The following ZNF527 variants were observed in gnomAD, a reference collection of about 807,000 sequenced individuals.
ZNF527 encodes zinc finger protein 527.
Under a neutral mutation model 13.5 loss-of-function variants are expected in ZNF527, and 5 were observed. The observed-to-expected ratio is 0.37, with a 90% CI of 0.19 to 0.78. The LOEUF (loss-of-function observed/expected upper bound fraction) is 0.78. ZNF527 is among the 30% of genes least tolerant of loss of function. The pLI, the probability that ZNF527 is intolerant of heterozygous loss-of-function variation, is 0.48. For synonymous variants in ZNF527, 209 were observed against 243.1 expected (o/e 0.86, Z 1.30); for missense variants, 628 against 726.4 (o/e 0.86, Z 1.56).
intron 2 of ZNF527, among the ~76,000 whole-genome samples, chr19:37,378,212 G>A (rs1232506605): frequency 6.6e-6 from 1 of 151,954 alleles, no homozygotes; most frequent in Non-Finnish European, 1.5e-5. Flanking sequence ...ATTTTTAGTA[G>A]AGACGGAGTG....
chr19:37,386,026 T>G (rs2040694946), intron 4 of ZNF527, among the ~76,000 whole-genome samples: 1 of 152,074 alleles, frequency 6.6e-6, no homozygotes, highest in Admixed American at 6.6e-5. Context: ...CTCCCTTTAA[T>G]GGACTCTTTC....
chr19:37,372,999 G>A (rs984926406), intron 1 of ZNF527, among the ~76,000 whole-genome samples: 11 of 152,096 alleles, frequency 7.2e-5, no homozygotes, highest in African/African-American at 2.2e-4. Context: ...TTCAGACATC[G>A]TGGCCTCTCA....
chr19:37,387,164 G>A (rs548682665), intron 4 of ZNF527, among the ~76,000 whole-genome samples: 3 of 152,214 alleles, frequency 2.0e-5, no homozygotes, highest in African/African-American at 7.2e-5. Context: ...GGCAAAGACT[G>A]TATCTATTTA....
intron 4 of ZNF527, chr19:37,385,245 T>C (rs549376119): frequency 9.3e-5 from 42 of 451,478 alleles, no homozygotes; most frequent in African/African-American, 8.3e-4. Flanking sequence ...CTTTTGACTT[T>C]GTGTTTTCTC....
Position 37,391,584 on chromosome 19 carries a change from AAAAAAAAT to A in ZNF527, c.*1709_*1716del. 8.4e-6 allele frequency: 1 copy of A among 119,618 alleles called. No homozygotes were observed. Among genetic ancestry groups the A allele is most frequent in the South Asian group, 2.9e-4 (1 of 3,484 alleles). The allele number at this position is 119,618 out of a possible 1,614,324, so 7.4% of individuals were successfully genotyped here. ...AACTCCTTCTCAAAAAAAAAAAAAA[AAAAAAAAT>A]AAATAAATAAATAAATAAATAAATT... On this transcript the variant is annotated 3_prime_UTR_variant, in exon 5 of 5. Transcript: ENST00000436120.
At chr19:37,380,106 C>A in intron 3 of ZNF527, 171 bp from the exon 4 acceptor site, 1 of 1,274,232 alleles carries the variant, frequency 7.8e-7, no homozygotes, top group Non-Finnish European at 1.0e-6. Flanking sequence ...AAGCTTCATC[C>A]TCCTCCTCAT....
rs755586158 is a variant in ZNF527 at position 37,379,115 on chromosome 19, T to G, written c.34-5T>G. 6.2e-6 allele frequency: 10 copies of G among 1,613,988 alleles called. No homozygotes were observed. Among genetic ancestry groups the G allele is most frequent in the African/African-American group, 1.3e-5 (1 of 74,914 alleles). ...ACCTGGTGAACAAGAATTTTTTTATTTCAGGGGTTGGTGACCTTCAGAGAT... is the reference window on the plus strand; with the variant it reads ...ACCTGGTGAACAAGAATTTTTTTATGTCAGGGGTTGGTGACCTTCAGAGAT... On this transcript the variant is annotated splice_polypyrimidine_tract_variant and splice_region_variant and intron_variant, in intron 2 of 4. Coordinates refer to ENST00000436120, the MANE Select transcript of ZNF527 (RefSeq NM_032453.2).
intron 2 of ZNF527, among the ~76,000 whole-genome samples, chr19:37,377,119 C>CTTAT (rs1375846512): frequency 6.6e-6 from 1 of 152,000 alleles, no homozygotes; most frequent in South Asian, 2.1e-4. Context: ...TGGAAGGGAA[C>CTTAT]TTATTTATTT....
chr19:37,374,285 T>A, intron 2 of ZNF527, 54 bp downstream of exon 2: 1 of 1,586,060 alleles, frequency 6.3e-7, no homozygotes, highest in Non-Finnish European at 8.7e-7. Flanking sequence ...TTTTCAGGAC[T>A]TTGGGACCAC....
chr19:37,371,874 T>G (rs2040559611), intron 1 of ZNF527, among the ~76,000 whole-genome samples: 1 of 152,098 alleles, frequency 6.6e-6, no homozygotes, highest in Admixed American at 6.5e-5. Flanking sequence ...AATTTGTGTG[T>G]ATATATGAGA....
Position 37,389,968 on chromosome 19 carries a change from A to G in ZNF527, c.*89A>G. On this transcript the variant is annotated 3_prime_UTR_variant, in exon 5 of 5. Transcript: ENST00000436120. ...TTCTTTTTGGTTAGTAATTCTTTGA[A>G]TGTAGTTCATATTTCAGTTCATGAG... 6.9e-7 allele frequency: 1 copy of G among 1,449,948 alleles called. No individual in the cohort carries two copies. The highest frequency in any genetic ancestry group is 9.2e-7 in the Non-Finnish European group (1 of 1,090,916). 89.8% of individuals were successfully genotyped at this position (1,449,948 alleles called of 1,614,324 possible). A position where few individuals can be genotyped will look rare whatever the true frequency, so the allele number is the denominator to read the frequency against.
chr19:37,382,205 T>G (rs1392138155), intron 4 of ZNF527, among the ~76,000 whole-genome samples: 1 of 152,114 alleles, frequency 6.6e-6, no homozygotes, highest in Non-Finnish European at 1.5e-5. Context: ...GAAACCAAGC[T>G]AGGTATGCTC....
chr19:37,378,075 G>A (rs957990877), intron 2 of ZNF527, among the ~76,000 whole-genome samples: 3 of 151,258 alleles, frequency 2.0e-5, no homozygotes, highest in Admixed American at 1.3e-4. Flanking sequence ...TGTCACCCAG[G>A]CTGGAAGTAC....
In ZNF527 at chr19:37,391,569, C is replaced by CAAA. The variant is rs74923218; in HGVS notation, c.*1710_*1712dup. ...GGGCAACAAGAGCGAAACTCCTTCT[C>CAAA]AAAAAAAAAAAAAAAAAAAAAATAA... On this transcript the variant is annotated 3_prime_UTR_variant, in exon 5 of 5. Transcript: ENST00000436120. 6.9e-6 allele frequency: 1 copy of CAAA among 145,450 alleles called. No homozygotes were observed. The highest frequency in any genetic ancestry group is 1.5e-5 in the Non-Finnish European group (1 of 66,612). 9.0% of individuals were successfully genotyped at this position (145,450 alleles called of 1,614,324 possible). A position where few individuals can be genotyped will look rare whatever the true frequency, so the allele number is the denominator to read the frequency against.
rs1022024971 is a variant in ZNF527 at position 37,372,467 on chromosome 19, C to CTTTTTTTTTTTTTTTTTTTTTTTTTTT, written c.-42+1264_-42+1265insTTTTTTTTTTTTTTTTTTTTTTTTTTT. On this transcript the variant is annotated intron_variant, in intron 1 of 4. Transcript: ENST00000436120. ...CCTTTCTTTTCTTTTCTTTTCTTTT[C>CTTTTTTTTTTTTTTTTTTTTTTTTTTT]TTTTTTTTTTTTTTTTTTTTTTTGA... Among the ~76,000 whole-genome samples, 4 of 65,646 alleles carry CTTTTTTTTTTTTTTTTTTTTTTTTTTT rather than the reference C, an allele frequency of 6.1e-5. 1 individual carries two copies. Among genetic ancestry groups the CTTTTTTTTTTTTTTTTTTTTTTTTTTT allele is most frequent in the Non-Finnish European group, 7.8e-5 (3 of 38,288 alleles). The allele number at this position is 65,646 out of a possible 152,430, so 43.1% of individuals were successfully genotyped here. A position where few individuals can be genotyped will look rare whatever the true frequency, so the allele number is the denominator to read the frequency against.
At chr19:37,383,433 G>A (rs113145529) in intron 4 of ZNF527, among the ~76,000 whole-genome samples, 2 of 151,152 alleles carry the variant, frequency 1.3e-5, no homozygotes, top group Admixed American at 6.6e-5. Context: ...ACAGGGTTTC[G>A]CCATGTTGGC....
intron 3 of ZNF527, 184 bp downstream of exon 3, chr19:37,379,430 G>T: frequency 2.0e-6 from 1 of 488,712 alleles, no homozygotes; most frequent in Non-Finnish European, 3.3e-6. Flanking sequence ...ATTTACTTTT[G>T]GCAGACATTC....
chr19:37,375,540 T>G (rs1047063426), intron 2 of ZNF527, among the ~76,000 whole-genome samples: 2 of 151,568 alleles, frequency 1.3e-5, no homozygotes, highest in African/African-American at 4.9e-5. Flanking sequence ...TTTTGTATTT[T>G]TAGTAGAGAT....
chr19:37,389,032 A>G lies in ZNF527; in HGVS notation c.983A>G (p.Lys328Arg). The G allele has an allele frequency of 6.2e-7, 1 of 1,614,216 alleles. No homozygotes were observed. The highest frequency in any genetic ancestry group is 8.5e-7 in the Non-Finnish European group (1 of 1,180,034). ...CATCAAAGAACTCATATTGGGGAGA[A>G]ACCTTATGAATGTAAGGAATGTAAC... ...SEHQRTHIGE[K>R]PYECKECNKA... The change falls in exon 5 of 5, where the codon AAA (lysine) becomes AGA (arginine). Residue 328 changes from lysine to arginine, a missense_variant. Lys to Arg is a conservative substitution (Grantham distance 26, BLOSUM62 2). Around this residue, in one of 3 missense-constraint regions of ZNF527, gnomAD observed 592 missense variants for 678.0 expected, o/e 0.87. Transcript: ENST00000436120.
Sources: gnomAD v4.1 joint callset for allele counts (sites outside exome capture counted in the v4.1 genomes callset) on GRCh38, gnomAD v4.1.1 for gene constraint, gnomAD v4.1.1 regional missense constraint, MANE v1.5 for transcripts, NCBI Gene and HGNC (gene_info 2026-07-23, HGNC 2026-07-21) for gene names.